The following KCNQ3 variants were observed in gnomAD, a reference collection of about 807,000 sequenced individuals.
KCNQ3 encodes potassium voltage-gated channel subfamily KQT member 3.
In KCNQ3, 30 loss-of-function variants were observed where a neutral mutation model predicts 92.5. The ratio of observed to expected loss-of-function variants is 0.32; its 90% confidence interval spans 0.24 to 0.44. The LOEUF (loss-of-function observed/expected upper bound fraction) is 0.44. Ranked by LOEUF, KCNQ3 falls within the 20% of genes least tolerant of loss-of-function variation. The pLI, the probability that KCNQ3 is intolerant of heterozygous loss-of-function variation, is 1.00. For missense variants in KCNQ3, 913 were observed against 1,140.3 expected (o/e 0.80, Z 2.87); for synonymous variants, 450 against 468.8 (o/e 0.96, Z 0.52).
intron 9 of KCNQ3, among the ~76,000 whole-genome samples, chr8:132,158,858 A>AAC (rs1295606722): frequency 2.0e-5 from 3 of 152,224 alleles, no homozygotes; most frequent in Admixed American, 2.0e-4. Flanking sequence ...AAATTTGACC[A>AAC]CTCTGTAGTG....
chr8:132,182,882 GCACA>G (rs3993055), intron 3 of KCNQ3, among the ~76,000 whole-genome samples: 2,147 of 146,022 alleles, frequency 0.015, 46 homozygotes, highest in African/African-American at 0.043. Flanking sequence ...CTCCAATATC[GCACA>G]CACACACACA....
At chr8:132,274,310 T>A (rs1816255893) in intron 1 of KCNQ3, among the ~76,000 whole-genome samples, 1 of 152,126 alleles carries the variant, frequency 6.6e-6, no homozygotes, top group African/African-American at 2.4e-5. Context: ...CTCCTCTTTT[T>A]AAAATCTTCA....
Position 132,129,389 on chromosome 8 carries a change from C to T in KCNQ3, c.2492G>A (p.Arg831Gln), listed in dbSNP as rs149004528. The T allele has an allele frequency of 4.4e-5, 71 of 1,614,060 alleles. No homozygotes were observed. The highest frequency in any genetic ancestry group is 5.3e-5 in the Non-Finnish European group (62 of 1,180,036). The change falls in exon 15 of 15, where the codon CGG becomes CAG. Residue 831 changes from arginine to glutamine, a missense_variant. Arg to Gln is a conservative substitution (Grantham distance 43). Around this residue, in one of 6 missense-constraint regions of KCNQ3, gnomAD observed 375 missense variants for 376.4 expected, o/e 1.00. Coordinates refer to ENST00000388996, the MANE Select transcript of KCNQ3 (RefSeq NM_004519.4). The surrounding 1 kb of genome is among the most constrained non-coding windows in gnomAD (Gnocchi z 5.9). ...NGGSSWMREK[R>Q]YLAEGETDTD... Reference sequence around the variant, plus strand: ...GTCCGTCTCACCCTCGGCGAGGTACCGCTTCTCCCTCATCCAGCTCGACCC... The same window carrying T: ...GTCCGTCTCACCCTCGGCGAGGTACTGCTTCTCCCTCATCCAGCTCGACCC...
At position 132,383,603 on chromosome 8, in the gene KCNQ3, G is replaced by T. The variant is rs149260805; in HGVS notation, c.386+96544C>A. On this transcript the variant is annotated intron_variant, in intron 1 of 14. Transcript: ENST00000388996. Reference sequence around the variant, plus strand: ...CCCCAGCGCCATATAACATCAACTGGGTCTAAACACTGGAGGGACAGACAG... The same window carrying T: ...CCCCAGCGCCATATAACATCAACTGTGTCTAAACACTGGAGGGACAGACAG... Among the ~76,000 whole-genome samples, 165 of 152,244 alleles carry T rather than the reference G, an allele frequency of 1.1e-3. No homozygotes were observed. In the East Asian group the frequency reaches 0.016, roughly 15 times the overall value.
At chr8:132,158,212 G>T (rs930596954) in intron 9 of KCNQ3, among the ~76,000 whole-genome samples, 5 of 152,086 alleles carry the variant, frequency 3.3e-5, no homozygotes, top group African/African-American at 9.7e-5. Flanking sequence ...GTTTTGCTCT[G>T]GTTAACAATT....
At chr8:132,421,244 C>T (rs1021710703) in intron 1 of KCNQ3, among the ~76,000 whole-genome samples, 1 of 152,134 alleles carries the variant, frequency 6.6e-6, no homozygotes, top group East Asian at 1.9e-4. Context: ...TATATTCATG[C>T]ATGTGAGGGG....
In KCNQ3 at chr8:132,121,684, T is replaced by C. The variant is rs1824473732; in HGVS notation, c.*7578A>G. The stretch of plus-strand genomic sequence containing the variant: ...CACAGAATGTTTTTATAGACTCACC[T>C]GTTTCTGCAGAATTTCAGAGCTCAG... On this transcript the variant is annotated 3_prime_UTR_variant, in exon 15 of 15. Coordinates refer to ENST00000388996, the MANE Select transcript of KCNQ3 (RefSeq NM_004519.4). 6.6e-6 allele frequency: 1 copy of C among 152,188 alleles called. No homozygotes were observed. The highest frequency in any genetic ancestry group is 6.5e-5 in the Admixed American group (1 of 15,276). 9.4% of individuals were successfully genotyped at this position (152,188 alleles called of 1,614,324 possible).
intron 1 of KCNQ3, among the ~76,000 whole-genome samples, chr8:132,231,458 G>C (rs1358204326): frequency 6.6e-6 from 1 of 152,156 alleles, no homozygotes; most frequent in Non-Finnish European, 1.5e-5. Context: ...TTAAATATAG[G>C]GATTTGGGGG....
At chr8:132,419,735 T>A (rs930745756) in intron 1 of KCNQ3, among the ~76,000 whole-genome samples, 1 of 152,180 alleles carries the variant, frequency 6.6e-6, no homozygotes, top group Non-Finnish European at 1.5e-5. Context: ...ATTAGCCCAT[T>A]TTAGAGATGA....
At chr8:132,344,849 C>T (rs900021925) in intron 1 of KCNQ3, among the ~76,000 whole-genome samples, 20 of 151,922 alleles carry the variant, frequency 1.3e-4, no homozygotes, top group African/African-American at 4.4e-4. Context: ...GGGTGCTTTG[C>T]GTGGGGCAAC....
chr8:132,421,344 C>G (rs987659712), intron 1 of KCNQ3, among the ~76,000 whole-genome samples: 1 of 152,132 alleles, frequency 6.6e-6, no homozygotes, highest in African/African-American at 2.4e-5. Context: ...ACAAATTGTT[C>G]GATAAGAAGT....
At chr8:132,335,253 CT>C (rs1818336961) in intron 1 of KCNQ3, among the ~76,000 whole-genome samples, 1 of 152,050 alleles carries the variant, frequency 6.6e-6, no homozygotes, top group Non-Finnish European at 1.5e-5. Flanking sequence ...GGTGGCCAGC[CT>C]GGTCTCAATC....
intron 1 of KCNQ3, among the ~76,000 whole-genome samples, chr8:132,236,139 G>A (rs1239744227): frequency 6.6e-6 from 1 of 152,214 alleles, no homozygotes; most frequent in African/African-American, 2.4e-5. Context: ...AAAGAGTGGA[G>A]AGCTATCTAT....
Position 132,123,839 on chromosome 8 carries a change from A to T in KCNQ3, c.*5423T>A, listed in dbSNP as rs951150425. 1 of 152,172 alleles carries T rather than the reference A, an allele frequency of 6.6e-6. No individual in the cohort carries two copies. The highest frequency in any genetic ancestry group is 2.4e-5 in the African/African-American group (1 of 41,440). The allele number at this position is 152,172 out of a possible 1,614,324, so 9.4% of individuals were successfully genotyped here. A position where few individuals can be genotyped will look rare whatever the true frequency, so the allele number is the denominator to read the frequency against. On this transcript the variant is annotated 3_prime_UTR_variant, in exon 15 of 15. Coordinates refer to ENST00000388996, the MANE Select transcript of KCNQ3 (RefSeq NM_004519.4). The stretch of plus-strand genomic sequence containing the variant: ...GATAACAAATCAAAATATGAATCAC[A>T]ATTTTCTTACAGGGTTGCTGAGGTT...
chr8:132,383,686 A>T (rs1449543451), intron 1 of KCNQ3, among the ~76,000 whole-genome samples: 1 of 152,220 alleles, frequency 6.6e-6, no homozygotes, highest in Non-Finnish European at 1.5e-5. Flanking sequence ...TGGTACATGC[A>T]CACACAGAGG....
chr8:132,452,516 T>C (rs1821845823), intron 1 of KCNQ3, among the ~76,000 whole-genome samples: 1 of 152,220 alleles, frequency 6.6e-6, no homozygotes, highest in South Asian at 2.1e-4. Flanking sequence ...CTACCCGCTT[T>C]CCAAGACTGC....
chr8:132,266,620 C>G (rs1021028005), intron 1 of KCNQ3, among the ~76,000 whole-genome samples: 1 of 152,146 alleles, frequency 6.6e-6, no homozygotes. Flanking sequence ...CACTCTTTCC[C>G]CTTCAGACAG....
chr8:132,366,962 T>C (rs937152173), intron 1 of KCNQ3, among the ~76,000 whole-genome samples: 3 of 152,068 alleles, frequency 2.0e-5, no homozygotes, highest in African/African-American at 7.2e-5. Flanking sequence ...AATTGCTTCA[T>C]AAAAAAAACT....
At chr8:132,212,356 A>G (rs1360386257) in intron 1 of KCNQ3, among the ~76,000 whole-genome samples, 1 of 151,950 alleles carries the variant, frequency 6.6e-6, no homozygotes, top group Admixed American at 6.6e-5. Context: ...AATTCCCCTC[A>G]ACTGTCCTTT....
Sources: gnomAD v4.1 joint callset for allele counts (sites outside exome capture counted in the v4.1 genomes callset) on GRCh38, gnomAD v4.1.1 for gene constraint, gnomAD v4.1.1 regional missense constraint, Gnocchi (gnomAD v3.1) non-coding constraint, MANE v1.5 for transcripts, NCBI Gene and HGNC (gene_info 2026-07-23, HGNC 2026-07-21) for gene names.